ZNF644: variants seen among roughly 807,000 people sequenced by gnomAD.
ZNF644 encodes zinc finger protein 644.
A neutral mutation model predicts 108.0 loss-of-function variants in ZNF644; 20 were observed. The observed-to-expected ratio is 0.19, with a 90% CI of 0.13 to 0.27. The LOEUF is 0.27. Ranked by LOEUF, ZNF644 falls within the 10% of genes least tolerant of loss-of-function variation. The pLI, the probability that ZNF644 is intolerant of heterozygous loss-of-function variation, is 1.00. For missense variants in ZNF644, 1,338 were observed against 1,548.9 expected (o/e 0.86, Z 2.29); for synonymous variants, 542 against 539.1 (o/e 1.01, Z -0.08).
At chr1:90,935,423 G>C in intron 4 of ZNF644, 1 of 985,846 alleles carries the variant, frequency 1.0e-6, no homozygotes, top group South Asian at 4.7e-5. Context: ...CCAGTCAAAA[G>C]TCCAGCACTC....
rs373235548 is a variant in ZNF644, at chr1:90,974,065, T to C, written c.44+8245A>G. 3.7e-4 allele frequency among the ~76,000 whole-genome samples: 56 copies of C among 152,286 alleles called. 2 individuals are homozygous for C. The East Asian group carries it at 7.3e-3, about 20-fold the overall frequency. ...TCCGTATAGATGTGTCACACAGAGA[T>C]GCCAAGAAGAATCTGAACAAACAGG... On this transcript the variant is annotated intron_variant, in intron 2 of 5. Coordinates refer to ENST00000337393, the MANE Select transcript of ZNF644 (RefSeq NM_201269.3).
intron 4 of ZNF644, among the ~76,000 whole-genome samples, chr1:90,922,193 G>A (rs1025920164): frequency 2.0e-5 from 3 of 152,080 alleles, no homozygotes; most frequent in African/African-American, 4.8e-5. Context: ...ATTAACATTC[G>A]CCACCGAAGT....
At chr1:90,991,958 C>A (rs1657675791) in intron 1 of ZNF644, among the ~76,000 whole-genome samples, 1 of 151,980 alleles carries the variant, frequency 6.6e-6, no homozygotes, top group Non-Finnish European at 1.5e-5. Flanking sequence ...TAAACACCTG[C>A]AACAGAATAT....
At chr1:90,918,343 A>T (rs571827020) in intron 4 of ZNF644, 189 bp from the exon 5 acceptor site, 3 of 615,810 alleles carry the variant, frequency 4.9e-6, no homozygotes, top group African/African-American at 3.6e-5. Flanking sequence ...TCTGTACTGT[A>T]CAGCGGTATT....
At chr1:90,945,445 A>C (rs1042428409) in intron 2 of ZNF644, among the ~76,000 whole-genome samples, 2 of 152,134 alleles carry the variant, frequency 1.3e-5, no homozygotes, top group Non-Finnish European at 2.9e-5. Flanking sequence ...AGCACTAAAA[A>C]AATTGTACAA....
rs1053883354 is a variant in ZNF644, at chr1:90,973,635, A to G, written c.44+8675T>C. ...TCTGTGTTAAGTGTAGAAAGAGTAAACATCATATAAACTTTTGTTTAAGAA... is the reference window on the plus strand; with the variant it reads ...TCTGTGTTAAGTGTAGAAAGAGTAAGCATCATATAAACTTTTGTTTAAGAA... On this transcript the variant is annotated intron_variant, in intron 2 of 5. Transcript: ENST00000337393. Among the ~76,000 whole-genome samples the G allele has an allele frequency of 3.3e-5, 5 of 152,332 alleles. No homozygotes were observed. The South Asian group carries it at 1.0e-3, about 32-fold the overall frequency.
chr1:90,935,316 T>C (rs1651202197), intron 4 of ZNF644: 2 of 966,540 alleles, frequency 2.1e-6, no homozygotes, highest in South Asian at 9.5e-5. Context: ...CAAAGAAAGC[T>C]ATAAATATGA....
chr1:90,988,441 T>C (rs959782932), intron 1 of ZNF644, among the ~76,000 whole-genome samples: 4 of 152,172 alleles, frequency 2.6e-5, no homozygotes, highest in African/African-American at 7.2e-5. Context: ...GGAAGATTTA[T>C]TGTTAAAATG....
intron 1 of ZNF644, chr1:91,021,630 G>A (rs1660923278): frequency 1.9e-5 from 2 of 107,108 alleles, no homozygotes; most frequent in Admixed American, 1.1e-4. Flanking sequence ...CGCCGCAGCG[G>A]AAAGCCCCCC....
chr1:90,967,509 T>C (rs1655030850), intron 2 of ZNF644, among the ~76,000 whole-genome samples: 1 of 152,202 alleles, frequency 6.6e-6, no homozygotes, highest in East Asian at 1.9e-4. Flanking sequence ...ATGGGAACCA[T>C]GTCTTCTATT....
intron 1 of ZNF644, among the ~76,000 whole-genome samples, chr1:91,011,331 T>A (rs1265080692): frequency 6.6e-6 from 1 of 152,162 alleles, no homozygotes; most frequent in African/African-American, 2.4e-5. Flanking sequence ...GCATTCACAA[T>A]CCAAATGTTA....
At position 90,938,199 on chromosome 1, in the gene ZNF644, C is replaced by CA. The variant is rs553239328; in HGVS notation, c.3082+72dup. 2.6e-3 allele frequency: 4,205 copies of CA among 1,609,440 alleles called. 10 individuals are homozygous for CA. Among genetic ancestry groups the CA allele is most frequent in the Non-Finnish European group, 3.1e-3 (3,669 of 1,176,928 alleles). ...TTATGATTCTAATAAAGACTAAATT[C>CA]AAAAAAAACTTTTAAATCTTCAGAA... On this transcript the variant is annotated intron_variant, in intron 3 of 5. Transcript: ENST00000337393. The surrounding 1 kb of genome is among the most constrained non-coding windows in gnomAD (Gnocchi z 4.2).
rs1002836136 is a variant in ZNF644, at chr1:90,985,664, T to C, written c.-17-3294A>G. 3.9e-5 allele frequency among the ~76,000 whole-genome samples: 6 copies of C among 152,212 alleles called. No individual in the cohort carries two copies. In the East Asian group the frequency reaches 1.2e-3, roughly 29 times the overall value. Reference sequence around the variant, plus strand: ...TTTCTGTCTTAAGACTGAATAGTATTCCATTGTGCATATATACCACGTTTA... The same window carrying C: ...TTTCTGTCTTAAGACTGAATAGTATCCCATTGTGCATATATACCACGTTTA... On this transcript the variant is annotated intron_variant, in intron 1 of 5. Transcript: ENST00000337393.
intron 2 of ZNF644, among the ~76,000 whole-genome samples, chr1:90,964,767 T>TTAAA (rs1239796008): frequency 2.0e-5 from 3 of 152,212 alleles, no homozygotes; most frequent in Non-Finnish European, 4.4e-5. Context: ...TGAAGTATAT[T>TTAAA]AGTATGAAAC....
Position 90,980,882 on chromosome 1 carries a change from G to A in ZNF644, c.44+1428C>T, listed in dbSNP as rs146792916. On this transcript the variant is annotated intron_variant, in intron 2 of 5. Coordinates refer to ENST00000337393, the MANE Select transcript of ZNF644 (RefSeq NM_201269.3). The stretch of plus-strand genomic sequence containing the variant: ...AATGTTCTATATCTTGATCTAGATG[G>A]TGGTTACACATATGAATGTGTATGT... Among the ~76,000 whole-genome samples the A allele has an allele frequency of 2.7e-3, 407 of 152,214 alleles. 2 individuals are homozygous for A. The highest frequency in any genetic ancestry group is 9.4e-3 in the African/African-American group (389 of 41,552).
intron 2 of ZNF644, among the ~76,000 whole-genome samples, chr1:90,964,144 T>C (rs1380519956): frequency 6.6e-6 from 1 of 152,174 alleles, no homozygotes; most frequent in Non-Finnish European, 1.5e-5. Flanking sequence ...CTGCTTGATT[T>C]TTCAATATGC....
At chr1:90,996,639 G>A (rs1331353270) in intron 1 of ZNF644, among the ~76,000 whole-genome samples, 1 of 152,102 alleles carries the variant, frequency 6.6e-6, no homozygotes, top group Non-Finnish European at 1.5e-5. Context: ...TTAAAAATTA[G>A]GCATGTTGGC....
intron 1 of ZNF644, among the ~76,000 whole-genome samples, chr1:90,987,245 GGT>G (rs1657191144): frequency 7.7e-6 from 1 of 129,892 alleles, no homozygotes; most frequent in Non-Finnish European, 1.6e-5. Flanking sequence ...ACCTAGAGTT[GGT>G]TTTTTTTTTT....
chr1:90,982,272 C>T, intron 2 of ZNF644, 38 bp downstream of exon 2: 1 of 1,535,348 alleles, frequency 6.5e-7, no homozygotes, highest in South Asian at 1.1e-5. Context: ...TTATTCCTAC[C>T]TTGATATGTA....
Sources: allele counts gnomAD v4.1 joint callset (sites outside exome capture counted in the v4.1 genomes callset), GRCh38; gene constraint gnomAD v4.1.1; non-coding constraint Gnocchi (gnomAD v3.1); transcripts MANE v1.5; gene names NCBI Gene and HGNC (gene_info 2026-07-23, HGNC 2026-07-21).